CCDC77: variants seen among roughly 807,000 people sequenced by gnomAD.
The protein encoded by CCDC77 is coiled-coil domain-containing protein 77.
In CCDC77, 56 loss-of-function variants were observed where a neutral mutation model predicts 66.8. The ratio of observed to expected loss-of-function variants is 0.84; its 90% CI spans 0.68 to 1.05. The LOEUF is 1.05. Ranked by LOEUF, CCDC77 falls within the 50% of genes least tolerant of loss-of-function variation. The pLI is 0.00. For synonymous variants in CCDC77, 196 were observed against 195.2 expected, an observed-to-expected ratio of 1.00 and a Z score of -0.03; for missense variants, 570 against 576.8, an observed-to-expected ratio of 0.99 and a Z score of 0.12.
At chr12:414,096 T>C (rs1945174151) in intron 4 of CCDC77, among the ~76,000 whole-genome samples, 1 of 139,262 alleles carries the variant, frequency 7.2e-6, no homozygotes, top group Non-Finnish European at 1.5e-5. Context: ...CTTGATTTCC[T>C]TTTTTTTTTT....
intron 9 of CCDC77, among the ~76,000 whole-genome samples, chr12:435,946 C>T (rs1403478015): frequency 6.6e-6 from 1 of 151,996 alleles, no homozygotes; most frequent in Non-Finnish European, 1.5e-5. Context: ...TGCTATATTG[C>T]CCAGGCTAGT....
intron 8 of CCDC77, 100 bp downstream of exon 8, chr12:432,054 C>A: frequency 1.5e-6 from 1 of 681,192 alleles, no homozygotes; most frequent in Non-Finnish European, 2.6e-6. Flanking sequence ...TCCTTGCACA[C>A]AGGTTACATC....
chr12:407,252 G>A (rs796428289), intron 2 of CCDC77, among the ~76,000 whole-genome samples: 9 of 152,214 alleles, frequency 5.9e-5, no homozygotes, highest in African/African-American at 2.2e-4. Context: ...ATTTGCTAAT[G>A]GGTCGTGTGT....
chr12:423,490 T>TTTG (rs1945468479), intron 5 of CCDC77, among the ~76,000 whole-genome samples: 3 of 27,364 alleles, frequency 1.1e-4, no homozygotes, highest in African/African-American at 5.2e-4. Flanking sequence ...TTTTTTTTTG[T>TTTG]TTTGTTTTTT....
chr12:406,491 A>T (rs540953446), intron 2 of CCDC77, among the ~76,000 whole-genome samples: 1 of 152,346 alleles, frequency 6.6e-6, no homozygotes, highest in African/African-American at 2.4e-5. Context: ...CACAGAAGTA[A>T]TGAGGTTGGC....
intron 2 of CCDC77, among the ~76,000 whole-genome samples, chr12:405,777 T>A (rs1944979143): frequency 6.6e-6 from 1 of 152,112 alleles, no homozygotes; most frequent in Non-Finnish European, 1.5e-5. Flanking sequence ...CATATACACT[T>A]AGTATGAGCC....
At chr12:391,268 A>T (rs1215677460) in intron 1 of CCDC77, among the ~76,000 whole-genome samples, 8 of 152,158 alleles carry the variant, frequency 5.3e-5, no homozygotes, top group Admixed American at 5.2e-4. Context: ...CCTGGCCAAC[A>T]TGGTGAAATC....
intron 3 of CCDC77, among the ~76,000 whole-genome samples, chr12:411,174 C>T (rs1330799455): frequency 1.0e-5 from 1 of 99,352 alleles, no homozygotes; most frequent in Non-Finnish European, 2.1e-5. Context: ...ATCAAACTTT[C>T]AATTTGTTTT....
chr12:431,855 T>A lies in CCDC77; in HGVS notation c.584-11T>A. 6.4e-7 allele frequency: 1 copy of A among 1,565,732 alleles called. No homozygotes were observed. The highest frequency in any genetic ancestry group is 8.7e-7 in the Non-Finnish European group (1 of 1,144,650). ...TAAAATCTTCTTGATGGATTTTGTT[T>A]TCTATTTTAGATCCTAAAATAAGCA... On this transcript the variant is annotated splice_polypyrimidine_tract_variant and intron_variant, in intron 7 of 12. Coordinates refer to ENST00000239830, the MANE Select transcript of CCDC77 (RefSeq NM_032358.4).
At chr12:389,640 A>G (rs975964369) in intron 1 of CCDC77, 6 of 172,636 alleles carry the variant, frequency 3.5e-5, no homozygotes, top group Non-Finnish European at 7.5e-5. Flanking sequence ...GTAATGCCCC[A>G]GAGGGCAGAG....
At chr12:402,209 A>T (rs1004982249) in intron 1 of CCDC77, among the ~76,000 whole-genome samples, 1 of 152,228 alleles carries the variant, frequency 6.6e-6, no homozygotes. Flanking sequence ...TAATTTACCT[A>T]TAAACAAAGG....
intron 3 of CCDC77, 95 bp downstream of exon 3, chr12:409,516 T>A: frequency 8.2e-7 from 1 of 1,217,080 alleles, no homozygotes; most frequent in South Asian, 1.3e-5. Context: ...GAAACATATT[T>A]CCTAAAGTTT....
chr12:441,153 A>G (rs2120355824), intron 12 of CCDC77, among the ~76,000 whole-genome samples, 157 bp downstream of exon 12: 1 of 152,324 alleles, frequency 6.6e-6, no homozygotes, highest in Admixed American at 6.5e-5. Flanking sequence ...GTTCAAGAAC[A>G]TGCTAGAGGG....
intron 9 of CCDC77, among the ~76,000 whole-genome samples, chr12:434,677 A>T (rs193199913): frequency 6.6e-6 from 1 of 152,172 alleles, no homozygotes; most frequent in African/African-American, 2.4e-5. Context: ...GAGACCAGTT[A>T]TATCTCTTCA....
rs139334337 is a variant in CCDC77, at chr12:423,114, C to CTTTTTTT, written c.413+4496_413+4502dup. ...ATTTTCTTTTTTTTTTCTTTTAAGC[C>CTTTTTTT]TTTTTTTTTTTTTTTTTTTTTTTTG... On this transcript the variant is annotated intron_variant, in intron 5 of 12. Transcript: ENST00000239830. Among the ~76,000 whole-genome samples the CTTTTTTT allele has an allele frequency of 2.3e-3, 169 of 74,564 alleles. 2 individuals are homozygous for CTTTTTTT. Among genetic ancestry groups the CTTTTTTT allele is most frequent in the Non-Finnish European group, 3.0e-3 (129 of 43,070 alleles). 48.9% of individuals were successfully genotyped at this position (74,564 alleles called of 152,430 possible).
chr12:409,341 AATT>A (rs1945061810), intron 2 of CCDC77, 24 bp from the exon 3 acceptor site: 1 of 1,569,736 alleles, frequency 6.4e-7, no homozygotes, highest in Non-Finnish European at 8.8e-7. Flanking sequence ...CGTGGCCCGT[AATT>A]ATGAATTTTT....
chr12:412,912 C>T (rs1485892639), intron 4 of CCDC77, among the ~76,000 whole-genome samples: 1 of 151,972 alleles, frequency 6.6e-6, no homozygotes, highest in African/African-American at 2.4e-5. Flanking sequence ...CTATCTCCTT[C>T]TTCCTTCCTT....
chr12:389,376 T>C (rs1359250829), exon 1 of CCDC77: 2 of 587,102 alleles, frequency 3.4e-6, no homozygotes, highest in Non-Finnish European at 6.2e-6. Context: ...ACGACGCCTG[T>C]GTGTCTGGCC....
chr12:390,329 T>A (rs1944733177), intron 1 of CCDC77, among the ~76,000 whole-genome samples: 1 of 152,160 alleles, frequency 6.6e-6, no homozygotes, highest in South Asian at 2.1e-4. Flanking sequence ...CTTGTCACTT[T>A]TCATCTCCAA....
Sources: allele counts gnomAD v4.1 joint callset (sites outside exome capture counted in the v4.1 genomes callset), GRCh38; gene constraint gnomAD v4.1.1; transcripts MANE v1.5; gene names NCBI Gene and HGNC (gene_info 2026-07-23, HGNC 2026-07-21).